NBAS: variants seen among roughly 807,000 people sequenced by gnomAD.
NBAS encodes NBAS subunit of NRZ tethering complex.
In NBAS, 219 loss-of-function variants were observed where a neutral mutation model predicts 302.5. The ratio of observed to expected loss-of-function variants is 0.72; its 90% CI spans 0.65 to 0.81. The LOEUF is 0.81. Ranked by LOEUF, NBAS falls within the 30% of genes least tolerant of loss-of-function variation. The pLI is 0.00. For synonymous variants in NBAS, 1,118 were observed against 1,021.6 expected (o/e 1.09, Z -1.80); for missense variants, 2,932 against 2,841.6 (o/e 1.03, Z -0.72).
At chr2:15,327,613 G>T in intron 38 of NBAS, 137 bp downstream of exon 38, 1 of 1,013,768 alleles carries the variant, frequency 9.9e-7, no homozygotes, top group Non-Finnish European at 1.5e-6. Flanking sequence ...ATGAATGAAC[G>T]AATGATGATG....
chr2:15,492,742 T>G (rs2148618236), intron 11 of NBAS, among the ~76,000 whole-genome samples: 1 of 152,298 alleles, frequency 6.6e-6, no homozygotes, highest in East Asian at 1.9e-4. Flanking sequence ...ATTACAGGTA[T>G]AAGCCACTGC....
chr2:14,944,116 A>T, the NBAS span, among the ~76,000 whole-genome samples: 1 of 152,160 alleles, frequency 6.6e-6, no homozygotes, highest in South Asian at 2.1e-4. Context: ...TGGCTAACGC[A>T]GTGAAACCCC....
chr2:15,110,465 T>A, the NBAS span, among the ~76,000 whole-genome samples: 73 of 152,268 alleles, frequency 4.8e-4, 1 homozygote, highest in African/African-American at 1.8e-3. Flanking sequence ...TCATACATAA[T>A]GTACAAAGAT....
At chr2:15,072,851 A>C in the NBAS span, among the ~76,000 whole-genome samples, 2 of 152,266 alleles carry the variant, frequency 1.3e-5, no homozygotes, top group South Asian at 4.1e-4. Flanking sequence ...AACACAGGCC[A>C]GGCGCAGAGG....
chr2:15,096,819 A>G, the NBAS span, among the ~76,000 whole-genome samples: 1 of 152,194 alleles, frequency 6.6e-6, no homozygotes, highest in African/African-American at 2.4e-5. Flanking sequence ...AAAAAAATAT[A>G]TTGGTTGTGA....
chr2:15,403,609 T>A (rs1353994895), intron 25 of NBAS, among the ~76,000 whole-genome samples: 3 of 152,136 alleles, frequency 2.0e-5, no homozygotes, highest in Non-Finnish European at 4.4e-5. Flanking sequence ...ACTACACCAT[T>A]GTGTATCAGG....
At chr2:15,388,913 T>C (rs988805578) in intron 28 of NBAS, among the ~76,000 whole-genome samples, 3 of 151,428 alleles carry the variant, frequency 2.0e-5, no homozygotes, top group Non-Finnish European at 4.4e-5. Context: ...TCCATTTATA[T>C]AAAGTAAAAA....
chr2:15,508,679 A>G lies in NBAS; in HGVS notation c.885+2533T>C, dbSNP rs551775866. Reference sequence around the variant, plus strand: ...TGTATACAGACACACATAATTTAAAATTTTTTTTTTTACTGAATCATCTGA... The same window carrying G: ...TGTATACAGACACACATAATTTAAAGTTTTTTTTTTTACTGAATCATCTGA... On this transcript the variant is annotated intron_variant, in intron 10 of 51. Transcript: ENST00000281513. Among the ~76,000 whole-genome samples the G allele has an allele frequency of 1.9e-4, 28 of 150,876 alleles. No individual in the cohort carries two copies. In the South Asian group the frequency reaches 5.7e-3, roughly 31 times the overall value.
At chr2:15,360,343 A>C (rs1032157435) in intron 32 of NBAS, among the ~76,000 whole-genome samples, 14 of 121,836 alleles carry the variant, frequency 1.1e-4, no homozygotes, top group Admixed American at 1.8e-4. Flanking sequence ...AAAAAAAAAA[A>C]AAACAAAACA....
At chr2:15,028,134 A>G in the NBAS span, among the ~76,000 whole-genome samples, 1 of 152,214 alleles carries the variant, frequency 6.6e-6, no homozygotes, top group Admixed American at 6.5e-5. Context: ...AGATAATTAA[A>G]GGTCTATCAT....
At chr2:15,058,034 G>A in the NBAS span, among the ~76,000 whole-genome samples, 1 of 152,192 alleles carries the variant, frequency 6.6e-6, no homozygotes, top group Non-Finnish European at 1.5e-5. Context: ...AAATAGTGTG[G>A]AGATTCCTTA....
At chr2:15,443,431 G>A (rs1678548293) in intron 21 of NBAS, among the ~76,000 whole-genome samples, 1 of 152,038 alleles carries the variant, frequency 6.6e-6, no homozygotes, top group Non-Finnish European at 1.5e-5. Flanking sequence ...ATGCAGAAAA[G>A]ACCTTTGACA....
the NBAS span, among the ~76,000 whole-genome samples, chr2:14,954,328 G>T: frequency 6.6e-6 from 1 of 152,180 alleles, no homozygotes; most frequent in Non-Finnish European, 1.5e-5. Context: ...CAGGATGCCT[G>T]CACGGGGGAA....
At chr2:14,812,766 TA>T in the NBAS span, among the ~76,000 whole-genome samples, 2 of 152,198 alleles carry the variant, frequency 1.3e-5, no homozygotes, top group African/African-American at 2.4e-5. Flanking sequence ...GTTTGTGGCA[TA>T]AAAAACCTGA....
At chr2:15,301,291 C>A in intron 40 of NBAS, among the ~76,000 whole-genome samples, 1 of 152,200 alleles carries the variant, frequency 6.6e-6, no homozygotes, top group Non-Finnish European at 1.5e-5. Flanking sequence ...AACCACACTT[C>A]TGAGTTGTAT....
At chr2:15,096,744 C>T in the NBAS span, among the ~76,000 whole-genome samples, 22 of 152,218 alleles carry the variant, frequency 1.4e-4, no homozygotes, top group East Asian at 3.9e-4. Context: ...TTGTGGCTTA[C>T]GCTGAGGGTT....
At chr2:15,347,670 A>T (rs1352791466) in intron 35 of NBAS, among the ~76,000 whole-genome samples, 3 of 152,186 alleles carry the variant, frequency 2.0e-5, no homozygotes, top group Admixed American at 6.6e-5. Context: ...CTCTAATTAG[A>T]TTTATCTAGA....
chr2:14,920,359 T>C, the NBAS span, among the ~76,000 whole-genome samples: 116 of 152,302 alleles, frequency 7.6e-4, no homozygotes, highest in Non-Finnish European at 1.4e-3. Context: ...TTAAAGAGCA[T>C]AGGCAGAGTA....
At chr2:14,870,218 G>A in the NBAS span, among the ~76,000 whole-genome samples, 2 of 152,262 alleles carry the variant, frequency 1.3e-5, no homozygotes, top group African/African-American at 4.8e-5. Flanking sequence ...GGCAGAGCCA[G>A]CTTAGATTTC....
Sources: allele counts gnomAD v4.1 joint callset (sites outside exome capture counted in the v4.1 genomes callset), GRCh38; gene constraint gnomAD v4.1.1; transcripts MANE v1.5; gene names NCBI Gene and HGNC (gene_info 2026-07-23, HGNC 2026-07-21).